The following FCHO2 variants were observed in gnomAD, a reference collection of about 807,000 sequenced individuals.
FCHO2 encodes the protein FCH and mu domain containing endocytic adaptor 2.
In FCHO2, 43 loss-of-function variants were observed where a neutral mutation model predicts 114.1. The observed-to-expected ratio is 0.38, with a 90% CI of 0.30 to 0.49. The LOEUF (loss-of-function observed/expected upper bound fraction) is 0.49. Among genes scored for constraint, FCHO2 ranks in the 20% least tolerant of loss-of-function variants. The pLI is 0.97. For missense variants in FCHO2, 807 were observed against 950.4 expected, an observed-to-expected ratio of 0.85 and a Z score of 1.98; for synonymous variants, 293 against 315.2, an observed-to-expected ratio of 0.93 and a Z score of 0.75.
At chr5:73,044,443 T>C (rs567433456) in intron 11 of FCHO2, among the ~76,000 whole-genome samples, 2 of 152,320 alleles carry the variant, frequency 1.3e-5, no homozygotes, top group East Asian at 3.9e-4. Context: ...TCTCACTATG[T>C]TATCCAGGCT....
In FCHO2 at chr5:73,058,978, G is replaced by A. The variant is rs146301685; in HGVS notation, c.1345+454G>A. Among the ~76,000 whole-genome samples, 7 of 152,254 alleles carry A rather than the reference G, an allele frequency of 4.6e-5. No homozygotes were observed. The East Asian group carries it at 1.4e-3, about 29-fold the overall frequency. On this transcript the variant is annotated intron_variant, in intron 17 of 25. Coordinates refer to ENST00000430046, the MANE Select transcript of FCHO2 (RefSeq NM_138782.3). The stretch of plus-strand genomic sequence containing the variant: ...TAAAATTTATGGCTTACAAGATGAT[G>A]TCCATGATACTTATTGCCAAACTGC...
intron 8 of FCHO2, among the ~76,000 whole-genome samples, chr5:73,023,029 ATC>A (rs1318709940): frequency 6.6e-6 from 1 of 152,158 alleles, no homozygotes; most frequent in Admixed American, 6.6e-5. Flanking sequence ...CTTTGAATAA[ATC>A]TCTGTGTTTA....
intron 2 of FCHO2, among the ~76,000 whole-genome samples, chr5:72,983,107 T>C (rs1196082374): frequency 6.6e-6 from 1 of 151,824 alleles, no homozygotes; most frequent in Non-Finnish European, 1.5e-5. Context: ...AGAGACGGGG[T>C]TTCATCATGT....
chr5:73,074,690 T>C (rs188205947), intron 19 of FCHO2, 52 bp from the exon 20 acceptor site: 31 of 1,501,072 alleles, frequency 2.1e-5, no homozygotes, highest in South Asian at 8.4e-5. Flanking sequence ...TATCTTGATA[T>C]TTAATTTATG....
chr5:73,015,661 C>T lies in FCHO2; in HGVS notation c.636C>T (p.His212=). 6.3e-7 allele frequency: 1 copy of T among 1,578,104 alleles called. No homozygotes were observed. The highest frequency in any genetic ancestry group is 1.4e-5 in the African/African-American group (1 of 72,412). ...ATATTGAAGAAACTCATCTCATTCACATAAAGGAAATTATAGGATCCTTGT... is the reference window on the plus strand; with the variant it reads ...ATATTGAAGAAACTCATCTCATTCATATAAAGGAAATTATAGGATCCTTGT... The part of the protein sequence containing the change: ...FQDIEETHLI[H]IKEIIGSLSN... The change falls in exon 7 of 26, where the codon CAC becomes CAT. Residue 212 remains histidine, a synonymous_variant. Coordinates refer to ENST00000430046, the MANE Select transcript of FCHO2 (RefSeq NM_138782.3).
intron 2 of FCHO2, among the ~76,000 whole-genome samples, chr5:72,969,500 T>C (rs908217171): frequency 6.6e-6 from 1 of 152,248 alleles, no homozygotes; most frequent in African/African-American, 2.4e-5. Flanking sequence ...TCCGGGCTTC[T>C]ACATTATCAT....
chr5:73,046,134 A>G (rs918577609), intron 11 of FCHO2, among the ~76,000 whole-genome samples: 3 of 152,128 alleles, frequency 2.0e-5, no homozygotes, highest in Non-Finnish European at 2.9e-5. Context: ...GCACAATCCT[A>G]GCTTACCACA....
Position 73,052,486 on chromosome 5 carries a change from A to G in FCHO2, c.1152A>G (p.Ile384Met). 3 of 1,593,032 alleles carry G rather than the reference A, an allele frequency of 1.9e-6. No individual in the cohort carries two copies. The highest frequency in any genetic ancestry group is 2.6e-6 in the Non-Finnish European group (3 of 1,168,818). The change falls in exon 13 of 26, where the codon ATA (isoleucine) becomes ATG (methionine). Residue 384 changes from isoleucine (I) to methionine (M), a missense_variant. Ile to Met is a conservative substitution (Grantham distance 10, BLOSUM62 1). Transcript: ENST00000430046. ...AATTAAAAGTATCTATAGGGAATAT[A>G]ACACTCTCCCCAGCAATATCTGTAA... is the stretch of plus-strand genomic sequence containing the variant. ...LDELKVSIGN[I>M]TLSPAISRHS...
At chr5:73,026,981 G>A (rs552883581) in intron 8 of FCHO2, among the ~76,000 whole-genome samples, 2 of 150,788 alleles carry the variant, frequency 1.3e-5, no homozygotes, top group South Asian at 2.1e-4. Flanking sequence ...TGTGAACCAC[G>A]GCACCTGGCC....
intron 5 of FCHO2, chr5:72,997,536 C>T (rs767479026): frequency 6.7e-6 from 9 of 1,344,148 alleles, no homozygotes; most frequent in Non-Finnish European, 9.6e-6. Flanking sequence ...TTCAGTGACC[C>T]CAGTGACACA....
intron 10 of FCHO2, among the ~76,000 whole-genome samples, chr5:73,039,150 C>G (rs1438098453): frequency 1.3e-5 from 2 of 152,168 alleles, no homozygotes; most frequent in Non-Finnish European, 2.9e-5. Flanking sequence ...TTTCAAACTT[C>G]TTGGCAGGAA....
In FCHO2 at chr5:73,017,213, T is replaced by C; in HGVS notation, c.701T>C (p.Val234Ala). The C allele has an allele frequency of 6.6e-7, 1 of 1,504,090 alleles. No individual in the cohort carries two copies. The highest frequency in any genetic ancestry group is 1.3e-5 in the South Asian group (1 of 77,530). The allele number at this position is 1,504,090 out of a possible 1,614,324, so 93.2% of individuals were successfully genotyped here. A position where few individuals can be genotyped will look rare whatever the true frequency, so the allele number is the denominator to read the frequency against. ...IKEIHLQIGQ[V>A]HEEFINNMAN... The stretch of plus-strand genomic sequence containing the variant: ...GTTATCTTTATTTCATTTTAATAGG[T>C]CCATGAAGAATTTATAAATAACATG... The change falls in exon 8 of 26, where the codon GTC becomes GCC. Residue 234 changes from valine (V) to alanine (A), a missense_variant and splice_region_variant. Physicochemically the swap from Val to Ala is moderately conservative, Grantham distance 64 (BLOSUM62 0). Coordinates refer to ENST00000430046, the MANE Select transcript of FCHO2 (RefSeq NM_138782.3).
At chr5:72,993,566 G>GTAT (rs1355828454) in intron 5 of FCHO2, among the ~76,000 whole-genome samples, 10 of 152,008 alleles carry the variant, frequency 6.6e-5, no homozygotes, top group Non-Finnish European at 1.3e-4. Flanking sequence ...AAGAAAATGG[G>GTAT]TATTTTTTTT....
intron 14 of FCHO2, 29 bp downstream of exon 14, chr5:73,054,200 A>C: frequency 6.7e-7 from 1 of 1,499,556 alleles, no homozygotes; most frequent in Non-Finnish European, 8.9e-7. Context: ...ATTTTTGCCC[A>C]TTGACTTTTA....
chr5:72,960,320 T>C (rs1303787838), intron 1 of FCHO2, among the ~76,000 whole-genome samples: 1 of 152,068 alleles, frequency 6.6e-6, no homozygotes, highest in Non-Finnish European at 1.5e-5. Flanking sequence ...GGAAAAATTA[T>C]TCAAAACCTT....
Position 72,963,712 on chromosome 5 carries a change from C to T in FCHO2, c.34-4786C>T, listed in dbSNP as rs549627415. The stretch of plus-strand genomic sequence containing the variant: ...TACAGGCGCATGCCACCACACCCAG[C>T]TAATTTTTAAAAAAAATTTGTAGGG... On this transcript the variant is annotated intron_variant, in intron 1 of 25. Coordinates refer to ENST00000430046, the MANE Select transcript of FCHO2 (RefSeq NM_138782.3). 5.9e-5 allele frequency among the ~76,000 whole-genome samples: 9 copies of T among 152,008 alleles called. No homozygotes were observed. The South Asian group carries it at 1.7e-3, about 28-fold the overall frequency.
chr5:73,023,754 A>G (rs552226441), intron 8 of FCHO2, among the ~76,000 whole-genome samples: 174 of 152,260 alleles, frequency 1.1e-3, no homozygotes, highest in African/African-American at 4.0e-3. Flanking sequence ...ACACAGAAAT[A>G]TGTTGGAACT....
intron 18 of FCHO2, among the ~76,000 whole-genome samples, chr5:73,066,378 T>A (rs1742326676): frequency 6.6e-6 from 1 of 152,050 alleles, no homozygotes; most frequent in Non-Finnish European, 1.5e-5. Context: ...TTCCATGTTT[T>A]TGTTATTATA....
In FCHO2 at chr5:73,068,777, T is replaced by C. The variant is rs1742490587; in HGVS notation, c.1577T>C (p.Val526Ala). ...TTGAGTGCTGCCAATACTCCAACAGTAGGTAAGTGATTATCATCAATTACA... is the reference window on the plus strand; with the variant it reads ...TTGAGTGCTGCCAATACTCCAACAGCAGGTAAGTGATTATCATCAATTACA... ...ASLSAANTPT[V>A]GVSRGPSPVS... The change falls in exon 19 of 26, where the codon GTA becomes GCA. Residue 526 changes from valine to alanine, a missense_variant and splice_region_variant. Transcript: ENST00000430046. The C allele has an allele frequency of 3.1e-6, 5 of 1,611,112 alleles. No individual in the cohort carries two copies. Among genetic ancestry groups the C allele is most frequent in the Non-Finnish European group, 4.2e-6 (5 of 1,178,408 alleles).
Sources: allele counts gnomAD v4.1 joint callset (sites outside exome capture counted in the v4.1 genomes callset), GRCh38; gene constraint gnomAD v4.1.1; transcripts MANE v1.5; gene names NCBI Gene and HGNC (gene_info 2026-07-23, HGNC 2026-07-21).